Variants in CACNA1C observed in about 807,000 individuals in gnomAD.
The protein encoded by CACNA1C is voltage-dependent L-type calcium channel subunit alpha-1C.
Under a neutral mutation model 229.0 loss-of-function variants are expected in CACNA1C, and 30 were observed. That is an observed-to-expected ratio of 0.13 (90% CI 0.10 to 0.18). The LOEUF is 0.18. CACNA1C is among the 10% of genes least tolerant of loss of function. The pLI is 1.00. For synonymous variants in CACNA1C, 1,114 were observed against 1,132.5 expected, an observed-to-expected ratio of 0.98 and a Z score of 0.33; for missense variants, 1,658 against 2,845.0, an observed-to-expected ratio of 0.58 and a Z score of 9.49.
chr12:2,518,090 G>A lies in CACNA1C; in HGVS notation c.1390+5106G>A, dbSNP rs546291848. ...CCCATGGTATCGAGTTATGTGACTCGGGAGCCACTTTTGCAGTCATCACCA... is the reference window on the plus strand; with the variant it reads ...CCCATGGTATCGAGTTATGTGACTCAGGAGCCACTTTTGCAGTCATCACCA... On this transcript the variant is annotated intron_variant, in intron 9 of 46. Transcript: ENST00000399655. Among the ~76,000 whole-genome samples the A allele has an allele frequency of 1.6e-4, 25 of 152,268 alleles. No homozygotes were observed. The South Asian group carries it at 4.6e-3, about 28-fold the overall frequency.
intron 8 of CACNA1C, among the ~76,000 whole-genome samples, chr12:2,505,202 T>C (rs1568095636): frequency 6.6e-6 from 1 of 152,142 alleles, no homozygotes; most frequent in Non-Finnish European, 1.5e-5. Context: ...CTCAAGTAGC[T>C]GTCCAGGCAG....
intron 5 of CACNA1C, among the ~76,000 whole-genome samples, chr12:2,476,646 C>T (rs969153196): frequency 1.3e-5 from 2 of 152,168 alleles, no homozygotes; most frequent in African/African-American, 2.4e-5. Flanking sequence ...TTTCAATCCA[C>T]ATTGGTAATA....
chr12:2,662,126 C>T (rs2095789854), intron 34 of CACNA1C, among the ~76,000 whole-genome samples: 2 of 151,822 alleles, frequency 1.3e-5, no homozygotes, highest in South Asian at 2.1e-4. Flanking sequence ...CCTGTAGTCC[C>T]AGCTACTCAG....
chr12:2,536,535 A>C (rs1175746952), intron 9 of CACNA1C, among the ~76,000 whole-genome samples: 1 of 152,140 alleles, frequency 6.6e-6, no homozygotes, highest in Non-Finnish European at 1.5e-5. Context: ...TCACCTATAC[A>C]ATGAAGGGCT....
intron 4 of CACNA1C, among the ~76,000 whole-genome samples, chr12:2,454,497 G>A (rs775868899): frequency 6.6e-6 from 1 of 152,080 alleles, no homozygotes; most frequent in Admixed American, 6.5e-5. Flanking sequence ...CAGACGCCAT[G>A]TGCCACTGCT....
At chr12:2,264,851 GTTC>G (rs979607587) in intron 3 of CACNA1C, among the ~76,000 whole-genome samples, 4 of 152,286 alleles carry the variant, frequency 2.6e-5, no homozygotes, top group Non-Finnish European at 4.4e-5. Flanking sequence ...TCCATCCCAA[GTTC>G]TTCTCCATTT....
At chr12:2,572,599 C>T (rs1468723518) in intron 13 of CACNA1C, among the ~76,000 whole-genome samples, 2 of 120,412 alleles carry the variant, frequency 1.7e-5, no homozygotes, top group African/African-American at 3.1e-5. Flanking sequence ...CTTCTCCTCT[C>T]CTCCTCCTTC....
intron 29 of CACNA1C, chr12:2,613,528 C>T (rs879320420): frequency 1.3e-5 from 2 of 152,196 alleles, no homozygotes; most frequent in Non-Finnish European, 2.9e-5. Flanking sequence ...CAAAGAATGC[C>T]TGGGGATCCC....
chr12:2,479,613 T>G lies in CACNA1C; in HGVS notation c.758-6491T>G, dbSNP rs1373660056. Among the ~76,000 whole-genome samples the G allele has an allele frequency of 6.6e-6, 1 of 152,222 alleles. No individual in the cohort carries two copies. Among genetic ancestry groups the G allele is most frequent in the Non-Finnish European group, 1.5e-5 (1 of 68,040 alleles). ...CTGGATTAAGCAGTATGGCTTTCTCTTCCATTCTGCAAGGACAGCCAGTTC... is the reference window on the plus strand; with the variant it reads ...CTGGATTAAGCAGTATGGCTTTCTCGTCCATTCTGCAAGGACAGCCAGTTC... On this transcript the variant is annotated intron_variant, in intron 5 of 46. Coordinates refer to ENST00000399655, the MANE Select transcript of CACNA1C (RefSeq NM_000719.7). This position sits in a 1 kb window ranked among gnomAD's most constrained non-coding sequence, Gnocchi z 4.3.
chr12:2,634,804 T>C (rs1167227869), intron 30 of CACNA1C, among the ~76,000 whole-genome samples: 1 of 152,064 alleles, frequency 6.6e-6, no homozygotes, highest in Non-Finnish European at 1.5e-5. Flanking sequence ...CCCTACTCTC[T>C]CCTTTGCATC....
At chr12:2,168,551 A>G (rs1274763023) in intron 3 of CACNA1C, among the ~76,000 whole-genome samples, 3 of 152,236 alleles carry the variant, frequency 2.0e-5, no homozygotes, top group Non-Finnish European at 2.9e-5. Flanking sequence ...GATTAAGGTA[A>G]TGGAGGCACA....
rs538435628 is a variant in CACNA1C, at chr12:2,303,114, T to C, written c.478-145862T>C. ...ACCATGTTCCCAGTCCAGAGGGATG[T>C]GGTTGCATGCTGGAGCCGCTAGTAT... is the stretch of plus-strand genomic sequence containing the variant. On this transcript the variant is annotated intron_variant, in intron 3 of 46. Coordinates refer to ENST00000399655, the MANE Select transcript of CACNA1C (RefSeq NM_000719.7). 2.2e-3 allele frequency among the ~76,000 whole-genome samples: 332 copies of C among 152,302 alleles called. 4 individuals are homozygous for C. Among genetic ancestry groups the C allele is most frequent in the African/African-American group, 7.6e-3 (317 of 41,556 alleles).
chr12:2,090,309 AC>A (rs1489007253), intron 1 of CACNA1C, among the ~76,000 whole-genome samples: 1 of 98,588 alleles, frequency 1.0e-5, no homozygotes, highest in African/African-American at 4.0e-5. Flanking sequence ...TGGATAGACT[AC>A]TTTTTTTTTT....
intron 1 of CACNA1C, among the ~76,000 whole-genome samples, chr12:2,080,124 T>C (rs2064914304): frequency 6.6e-6 from 1 of 152,064 alleles, no homozygotes; most frequent in Admixed American, 6.5e-5. Flanking sequence ...TATCTGGGCA[T>C]GGTGGCACAC....
intron 3 of CACNA1C, among the ~76,000 whole-genome samples, chr12:2,182,512 G>A (rs954693160): frequency 6.6e-6 from 1 of 151,660 alleles, no homozygotes; most frequent in East Asian, 1.9e-4. Context: ...GGGGTCGCTG[G>A]TATCTTATAG....
At chr12:2,281,531 C>T (rs746251309) in intron 3 of CACNA1C, among the ~76,000 whole-genome samples, 2 of 152,044 alleles carry the variant, frequency 1.3e-5, no homozygotes, top group African/African-American at 2.4e-5. Flanking sequence ...CTTTTATTTC[C>T]GAAGGATATT....
chr12:2,229,429 G>T (rs912594066), intron 3 of CACNA1C, among the ~76,000 whole-genome samples: 17 of 152,100 alleles, frequency 1.1e-4, no homozygotes, highest in African/African-American at 3.6e-4. Context: ...AATATTTATC[G>T]TGTATCTGTT....
At chr12:2,223,641 A>T (rs575896519) in intron 3 of CACNA1C, among the ~76,000 whole-genome samples, 6 of 152,180 alleles carry the variant, frequency 3.9e-5, no homozygotes, top group Non-Finnish European at 7.3e-5. Flanking sequence ...CTAGAGTTTG[A>T]ATCGGATCTC....
intron 3 of CACNA1C, among the ~76,000 whole-genome samples, chr12:2,432,276 C>T (rs542626999): frequency 6.6e-6 from 1 of 152,224 alleles, no homozygotes; most frequent in Admixed American, 6.5e-5. Context: ...GGCAAAGAGG[C>T]CAGGAGCAGT....
Sources: allele counts gnomAD v4.1 joint callset (sites outside exome capture counted in the v4.1 genomes callset), GRCh38; gene constraint gnomAD v4.1.1; non-coding constraint Gnocchi (gnomAD v3.1); transcripts MANE v1.5; gene names NCBI Gene and HGNC (gene_info 2026-07-23, HGNC 2026-07-21).